Variants in PRIM2 observed in about 807,000 individuals in gnomAD.
PRIM2 encodes the protein DNA primase subunit 2, also known as DNA primase large subunit.
A neutral mutation model predicts 67.3 loss-of-function variants in PRIM2; 39 were observed. The observed-to-expected ratio is 0.58, with a 90% confidence interval of 0.45 to 0.76. The LOEUF is 0.76. PRIM2 is among the 30% of genes least tolerant of loss of function. The pLI, the probability that PRIM2 is intolerant of heterozygous loss-of-function variation, is 0.00. For synonymous variants in PRIM2, 143 were observed against 198.7 expected (o/e 0.72, Z 2.36); for missense variants, 398 against 598.7 (o/e 0.66, Z 3.50).
At chr6:57,643,950 TC>T (rs1209048983) in intron 13 of PRIM2, among the ~76,000 whole-genome samples, 1 of 152,224 alleles carries the variant, frequency 6.6e-6, no homozygotes, top group African/African-American at 2.4e-5. Context: ...GACTCATGTT[TC>T]TGTCTGCTGG....
chr6:57,607,947 A>C (rs1362003880), intron 12 of PRIM2, among the ~76,000 whole-genome samples: 3 of 152,036 alleles, frequency 2.0e-5, no homozygotes, highest in Non-Finnish European at 2.9e-5. Context: ...CATGGTGCAT[A>C]GGTAGGAAGT....
the PRIM2 span, among the ~76,000 whole-genome samples, chr6:57,263,948 G>T: frequency 6.6e-6 from 1 of 152,182 alleles, no homozygotes; most frequent in Non-Finnish European, 1.5e-5. Flanking sequence ...AGACTAGAGC[G>T]TGCTGCCACC....
intron 7 of PRIM2, among the ~76,000 whole-genome samples, chr6:57,417,070 A>C (rs1581885481): frequency 6.6e-6 from 1 of 151,402 alleles, no homozygotes; most frequent in South Asian, 2.1e-4. Context: ...GGGTTCAAGC[A>C]ATTCTCCTGC....
chr6:57,444,461 G>T (rs1486531292), intron 7 of PRIM2, among the ~76,000 whole-genome samples: 1 of 151,980 alleles, frequency 6.6e-6, no homozygotes, highest in Non-Finnish European at 1.5e-5. Flanking sequence ...CAGCTACTTG[G>T]GAGGCTGGGG....
At chr6:57,476,145 A>C (rs1218150914) in intron 7 of PRIM2, among the ~76,000 whole-genome samples, 2 of 152,172 alleles carry the variant, frequency 1.3e-5, no homozygotes, top group Non-Finnish European at 2.9e-5. Flanking sequence ...TCATGAACTT[A>C]AATATTAAAC....
the PRIM2 span, among the ~76,000 whole-genome samples, chr6:57,233,388 TG>T: frequency 8.6e-4 from 131 of 152,348 alleles, no homozygotes; most frequent in African/African-American, 3.1e-3. Context: ...ATTTAATCTT[TG>T]GGTTTTATCT....
chr6:57,619,196 A>G (rs1776807861), intron 12 of PRIM2, among the ~76,000 whole-genome samples: 2 of 152,194 alleles, frequency 1.3e-5, no homozygotes, highest in African/African-American at 4.8e-5. Context: ...CGGCTCACAG[A>G]AAGCCACAAC....
chr6:57,334,751 A>G (rs945437813), intron 5 of PRIM2, among the ~76,000 whole-genome samples: 1 of 152,208 alleles, frequency 6.6e-6, no homozygotes, highest in African/African-American at 2.4e-5. Flanking sequence ...CTGTGCATGG[A>G]ATATATGCTG....
intron 7 of PRIM2, among the ~76,000 whole-genome samples, chr6:57,415,006 C>T (rs1360445388): frequency 6.6e-6 from 1 of 152,040 alleles, no homozygotes; most frequent in Non-Finnish European, 1.5e-5. Context: ...GAAGTGCTTT[C>T]TACATATGAG....
At chr6:57,544,017 A>G in intron 10 of PRIM2, among the ~76,000 whole-genome samples, 1 of 152,226 alleles carries the variant, frequency 6.6e-6, no homozygotes, top group South Asian at 2.1e-4. Flanking sequence ...GCCCACTGTT[A>G]TTTTTTTATT....
chr6:57,367,575 C>T lies in PRIM2; in HGVS notation c.460-12326C>T, dbSNP rs73748690. Reference sequence around the variant, plus strand: ...CCCATCTTATTATATCTCACACTTTCGAGGGTTAGGGATTCAGAATGGGCT... The same window carrying T: ...CCCATCTTATTATATCTCACACTTTTGAGGGTTAGGGATTCAGAATGGGCT... On this transcript the variant is annotated intron_variant, in intron 5 of 13. Transcript: ENST00000615550. 3.3e-5 allele frequency among the ~76,000 whole-genome samples: 5 copies of T among 152,280 alleles called. No homozygotes were observed. The East Asian group carries it at 5.8e-4, about 18-fold the overall frequency.
intron 10 of PRIM2, among the ~76,000 whole-genome samples, chr6:57,585,963 C>G (rs1353135561): frequency 1.3e-5 from 2 of 152,132 alleles, no homozygotes; most frequent in Admixed American, 6.5e-5. Context: ...ATGCCCAGTT[C>G]GTGTAGCTGT....
At chr6:57,424,228 AT>A (rs1771552092) in intron 7 of PRIM2, among the ~76,000 whole-genome samples, 1 of 152,196 alleles carries the variant, frequency 6.6e-6, no homozygotes, top group Non-Finnish European at 1.5e-5. Flanking sequence ...AGAGATCAAG[AT>A]AAGTTCAGTT....
chr6:57,547,949 A>G (rs1160934142), intron 10 of PRIM2, among the ~76,000 whole-genome samples: 1 of 152,224 alleles, frequency 6.6e-6, no homozygotes, highest in East Asian at 1.9e-4. Context: ...AGATCTCAGC[A>G]TCAGCATCAT....
intron 10 of PRIM2, 60 bp downstream of exon 10, chr6:57,537,685 A>T (rs1775028553): frequency 1.8e-6 from 2 of 1,132,172 alleles, no homozygotes; most frequent in Non-Finnish European, 2.3e-6. Flanking sequence ...CTGAAAATGA[A>T]ACGGTCTATT....
chr6:57,612,287 G>A (rs1489213198), intron 12 of PRIM2, among the ~76,000 whole-genome samples: 3 of 152,172 alleles, frequency 2.0e-5, no homozygotes, highest in African/African-American at 7.2e-5. Flanking sequence ...CTGTTCCTAA[G>A]TGTTTATAGT....
rs1581893917 is a variant in PRIM2 at position 57,426,992 on chromosome 6, A to C, written c.693+44824A>C. On this transcript the variant is annotated intron_variant, in intron 7 of 13. Coordinates refer to ENST00000615550, the MANE Select transcript of PRIM2 (RefSeq NM_000947.5). ...TGTTTGTGATCTAGAGTAAGCTAGTAGAATGTGATTGAAAATGTTGTCCAG... is the reference window on the plus strand; with the variant it reads ...TGTTTGTGATCTAGAGTAAGCTAGTCGAATGTGATTGAAAATGTTGTCCAG... 2.0e-5 allele frequency among the ~76,000 whole-genome samples: 3 copies of C among 152,340 alleles called. No individual in the cohort carries two copies. The East Asian group carries it at 5.8e-4, about 29-fold the overall frequency.
chr6:57,611,970 G>GTTACCATTCACAT (rs1776674833), intron 12 of PRIM2, among the ~76,000 whole-genome samples: 1 of 151,860 alleles, frequency 6.6e-6, no homozygotes, highest in African/African-American at 2.4e-5. Context: ...AAGTGTGAAT[G>GTTACCATTCACAT]GTAAATATAA....
intron 7 of PRIM2, among the ~76,000 whole-genome samples, chr6:57,394,686 T>C (rs547836494): frequency 6.6e-6 from 1 of 152,184 alleles, no homozygotes; most frequent in African/African-American, 2.4e-5. Context: ...CGGCTAGGAC[T>C]TCCAGTACTA....
Sources: allele counts gnomAD v4.1 joint callset (sites outside exome capture counted in the v4.1 genomes callset), GRCh38; gene constraint gnomAD v4.1.1; transcripts MANE v1.5; gene names NCBI Gene and HGNC (gene_info 2026-07-23, HGNC 2026-07-21).